The following PTPRG variants were observed in gnomAD, a reference collection of about 807,000 sequenced individuals.
PTPRG encodes the protein receptor-type tyrosine-protein phosphatase gamma.
In PTPRG, 102 loss-of-function variants were observed where a neutral mutation model predicts 165.3. The ratio of observed to expected loss-of-function variants is 0.62; its 90% confidence interval spans 0.53 to 0.73. The LOEUF (loss-of-function observed/expected upper bound fraction) is 0.73, where lower values mean the gene tolerates loss of function less well. PTPRG is among the 30% of genes least tolerant of loss of function. The probability of loss-of-function intolerance (pLI) is 0.00; values close to 1 mark genes in which losing one functional copy is unlikely to be tolerated. For missense variants in PTPRG, 1,866 were observed against 1,861.4 expected (o/e 1.00, Z -0.05); for synonymous variants, 675 against 669.5 (o/e 1.01, Z -0.13).
At chr3:61,594,067 A>G (rs1700637145) in intron 1 of PTPRG, among the ~76,000 whole-genome samples, 2 of 152,216 alleles carry the variant, frequency 1.3e-5, no homozygotes, top group Non-Finnish European at 2.9e-5. Flanking sequence ...TTTGAAAAAA[A>G]TAGAATTTTG....
chr3:61,874,912 T>A (rs1446786139), intron 2 of PTPRG, among the ~76,000 whole-genome samples: 2 of 152,202 alleles, frequency 1.3e-5, no homozygotes, highest in African/African-American at 4.8e-5. Flanking sequence ...TCACAAAATT[T>A]GTCTTATGTA....
rs1185724135 is a variant in PTPRG, at chr3:61,725,120, G to GTAAAGTATTTTAAAA, written c.86-23756_86-23755insAAGTATTTTAAAATA. On this transcript the variant is annotated intron_variant, in intron 1 of 29. Coordinates refer to ENST00000474889, the MANE Select transcript of PTPRG (RefSeq NM_002841.4). ...CGAGTTTCATACTTTACATTTAAAT[G>GTAAAGTATTTTAAAA]TACAATCCATTTTGAGTTAATTTTT... Among the ~76,000 whole-genome samples the GTAAAGTATTTTAAAA allele has an allele frequency of 2.2e-4, 33 of 152,106 alleles. 1 individual carries two copies. In the East Asian group the frequency reaches 2.3e-3, roughly 11 times the overall value.
intron 16 of PTPRG, among the ~76,000 whole-genome samples, chr3:62,261,354 A>G (rs947917469): frequency 2.6e-5 from 4 of 152,208 alleles, no homozygotes; most frequent in African/African-American, 9.6e-5. Context: ...CCAACGTGCT[A>G]AGTTTGGCTA....
At chr3:61,630,649 A>G (rs1191380664) in intron 1 of PTPRG, among the ~76,000 whole-genome samples, 1 of 152,196 alleles carries the variant, frequency 6.6e-6, no homozygotes, top group Non-Finnish European at 1.5e-5. Context: ...GTGGTTTAGC[A>G]TGGTTCAAAG....
chr3:61,791,163 A>G (rs1302297902), intron 2 of PTPRG, among the ~76,000 whole-genome samples: 4 of 152,204 alleles, frequency 2.6e-5, no homozygotes. Flanking sequence ...AATTGATCCT[A>G]AGCTATTAGA....
chr3:61,981,233 G>A (rs1226602246), intron 2 of PTPRG, among the ~76,000 whole-genome samples: 4 of 152,300 alleles, frequency 2.6e-5, no homozygotes, highest in African/African-American at 4.8e-5. Context: ...CCGCCCATAT[G>A]ACTCACTTTC....
chr3:62,100,676 T>C (rs184148937), intron 5 of PTPRG, among the ~76,000 whole-genome samples: 478 of 152,356 alleles, frequency 3.1e-3, no homozygotes, highest in Non-Finnish European at 4.3e-3. Context: ...CATCTCTTAA[T>C]TTTTTAGTTG....
intron 1 of PTPRG, among the ~76,000 whole-genome samples, chr3:61,603,262 C>T (rs1353537683): frequency 6.6e-6 from 1 of 152,156 alleles, no homozygotes; most frequent in Admixed American, 6.5e-5. Context: ...ATTCAGCATG[C>T]TGGAGGTGGG....
chr3:61,912,583 C>T (rs1295756282), intron 2 of PTPRG, among the ~76,000 whole-genome samples: 1 of 152,214 alleles, frequency 6.6e-6, no homozygotes, highest in Non-Finnish European at 1.5e-5. Context: ...AGAAGACCGA[C>T]AGTCTTTTCT....
intron 1 of PTPRG, chr3:61,742,486 C>A: frequency 1.3e-6 from 2 of 1,584,108 alleles, no homozygotes; most frequent in Non-Finnish European, 1.7e-6. Flanking sequence ...GCCCATGGTG[C>A]TCTCGATATA....
chr3:62,167,951 C>G lies in PTPRG; in HGVS notation c.841-20C>G. 1 of 1,599,314 alleles carries G rather than the reference C, an allele frequency of 6.3e-7. No homozygotes were observed. ...GTGTTGTTTTTTTTTTCCCCCTCCC[C>G]TCTCTGGTCCTCTGTTCAGCTTGAG... On this transcript the variant is annotated intron_variant, in intron 7 of 29. Coordinates refer to ENST00000474889, the MANE Select transcript of PTPRG (RefSeq NM_002841.4).
At chr3:61,991,662 T>C (rs1288905102) in intron 3 of PTPRG, among the ~76,000 whole-genome samples, 2 of 152,254 alleles carry the variant, frequency 1.3e-5, no homozygotes, top group African/African-American at 2.4e-5. Context: ...TCATACCATC[T>C]AAATGTAGTG....
intron 28 of PTPRG, among the ~76,000 whole-genome samples, chr3:62,285,663 G>C (rs566083866): frequency 6.6e-6 from 1 of 152,044 alleles, no homozygotes; most frequent in South Asian, 2.1e-4. Flanking sequence ...TTCATTCTCA[G>C]CATTCTATTG....
chr3:61,967,484 C>T (rs1003950401), intron 2 of PTPRG, among the ~76,000 whole-genome samples: 2 of 152,112 alleles, frequency 1.3e-5, no homozygotes, highest in African/African-American at 4.8e-5. Context: ...TGGTCTCACG[C>T]CTCATTTCAA....
intron 2 of PTPRG, among the ~76,000 whole-genome samples, chr3:61,900,836 C>G (rs1006037604): frequency 6.6e-6 from 1 of 152,134 alleles, no homozygotes; most frequent in African/African-American, 2.4e-5. Context: ...AATAGTTGCT[C>G]TGGAGTGTCA....
rs146802416 is a variant in PTPRG at position 62,026,713 on chromosome 3, C to T, written c.519+23216C>T. On this transcript the variant is annotated intron_variant, in intron 4 of 29. Coordinates refer to ENST00000474889, the MANE Select transcript of PTPRG (RefSeq NM_002841.4). The stretch of plus-strand genomic sequence containing the variant: ...CATCCTGGCTAACACGGTGAAACCC[C>T]GTCCCTACTAAAAATACAGAAAATT... 9.0e-3 allele frequency among the ~76,000 whole-genome samples: 1,363 copies of T among 151,870 alleles called. 25 individuals are homozygous for T. The highest frequency in any genetic ancestry group is 0.031 in the African/African-American group (1,292 of 41,388).
At chr3:61,567,267 G>A (rs1210983816) in intron 1 of PTPRG, among the ~76,000 whole-genome samples, 1 of 152,166 alleles carries the variant, frequency 6.6e-6, no homozygotes, top group Non-Finnish European at 1.5e-5. Flanking sequence ...CGAGGTAGAG[G>A]GAGTGGCTCA....
intron 3 of PTPRG, among the ~76,000 whole-genome samples, chr3:61,998,330 C>T (rs1424299885): frequency 6.6e-6 from 1 of 152,156 alleles, no homozygotes; most frequent in East Asian, 1.9e-4. Context: ...ATCTGTGGAT[C>T]CTTCCCTAGG....
chr3:62,165,913 G>A (rs946080512), intron 7 of PTPRG, among the ~76,000 whole-genome samples: 4 of 152,092 alleles, frequency 2.6e-5, no homozygotes, highest in East Asian at 1.9e-4. Flanking sequence ...TAGTTCCAGG[G>A]TTCAGGATGA....
Sources: gnomAD v4.1 joint callset for allele counts (sites outside exome capture counted in the v4.1 genomes callset) on GRCh38, gnomAD v4.1.1 for gene constraint, MANE v1.5 for transcripts, NCBI Gene and HGNC (gene_info 2026-07-23, HGNC 2026-07-21) for gene names.